The following CRB1 variants were observed in gnomAD, a reference collection of about 807,000 sequenced individuals.
CRB1 encodes the protein crumbs cell polarity complex component 1.
Under a neutral mutation model 120.0 loss-of-function variants are expected in CRB1, and 83 were observed. The ratio of observed to expected loss-of-function variants is 0.69; its 90% CI spans 0.58 to 0.83. CRB1 has a LOEUF of 0.83. Ranked by LOEUF, CRB1 falls within the 40% of genes least tolerant of loss-of-function variation. The pLI is 0.00. For missense variants in CRB1, 1,699 were observed against 1,687.6 expected, an observed-to-expected ratio of 1.01 and a Z score of -0.12; for synonymous variants, 625 against 612.5, an observed-to-expected ratio of 1.02 and a Z score of -0.30.
chr1:197,442,081 G>C (rs949092997), intron 10 of CRB1, 85 bp from the exon 11 acceptor site: 14 of 1,544,614 alleles, frequency 9.1e-6, no homozygotes, highest in African/African-American at 1.4e-5. Context: ...CTGTTCCAGA[G>C]AGATAAGGCA....
At chr1:197,234,248 A>G in the CRB1 span, among the ~76,000 whole-genome samples, 1 of 152,232 alleles carries the variant, frequency 6.6e-6, no homozygotes, top group Non-Finnish European at 1.5e-5. Context: ...TGAATAGAAT[A>G]AAGGGAAAGT....
Position 197,332,374 on chromosome 1 carries a change from G to A in CRB1, c.652+3371G>A, listed in dbSNP as rs185109889. The stretch of plus-strand genomic sequence containing the variant: ...TTCCTTGTCAATCCCTGATATAATA[G>A]TGTTGTTCCCTATTTGACTATATTC... On this transcript the variant is annotated intron_variant, in intron 2 of 11. Coordinates refer to ENST00000367400, the MANE Select transcript of CRB1 (RefSeq NM_201253.3). Among the ~76,000 whole-genome samples, 203 of 152,170 alleles carry A rather than the reference G, an allele frequency of 1.3e-3. 2 individuals carry two copies. The highest frequency in any genetic ancestry group is 4.6e-3 in the African/African-American group (191 of 41,514).
intron 11 of CRB1, among the ~76,000 whole-genome samples, chr1:197,463,652 A>G (rs541758302): frequency 6.6e-6 from 1 of 152,310 alleles, no homozygotes; most frequent in South Asian, 2.1e-4. Flanking sequence ...CAAATTGCTT[A>G]AATCATCTTT....
At chr1:197,205,056 T>C in the CRB1 span, among the ~76,000 whole-genome samples, 2 of 152,352 alleles carry the variant, frequency 1.3e-5, no homozygotes, top group South Asian at 2.1e-4. Context: ...GATTTGATTC[T>C]CAGCTTGGAC....
Position 197,477,692 on chromosome 1 carries a change from TCAC to T in CRB1, c.4038_4040del (p.Thr1347del). On this transcript the variant is annotated inframe_deletion, in exon 12 of 12. Transcript: ENST00000367400. ...GCAGATGACTTGATCTCCGACATTTTCACCACTATTGGCTCAGTGACTGTCGCC... is the reference window on the plus strand; with the variant it reads ...GCAGATGACTTGATCTCCGACATTTTCACTATTGGCTCAGTGACTGTCGCC... The T allele has an allele frequency of 6.2e-7, 1 of 1,613,900 alleles. No individual in the cohort carries two copies. The highest frequency in any genetic ancestry group is 8.5e-7 in the Non-Finnish European group (1 of 1,179,834).
intron 1 of CRB1, among the ~76,000 whole-genome samples, chr1:197,301,461 C>T (rs974797506): frequency 3.3e-5 from 5 of 152,070 alleles, no homozygotes; most frequent in Admixed American, 6.6e-5. Flanking sequence ...TTACCACACC[C>T]GGCTTCAAGT....
intron 5 of CRB1, among the ~76,000 whole-genome samples, chr1:197,410,783 A>G (rs1285129006): frequency 6.6e-6 from 1 of 152,218 alleles, no homozygotes; most frequent in Non-Finnish European, 1.5e-5. Context: ...AGGCCATTGA[A>G]ATACATAACA....
intron 5 of CRB1, among the ~76,000 whole-genome samples, chr1:197,415,599 C>CTTTTTCT (rs1663940116): frequency 7.0e-6 from 1 of 142,924 alleles, no homozygotes; most frequent in South Asian, 2.2e-4. Context: ...ACAAAGACCT[C>CTTTTTCT]TTTTTCTTTT....
At chr1:197,325,042 C>T (rs1367840925) in intron 1 of CRB1, among the ~76,000 whole-genome samples, 4 of 152,130 alleles carry the variant, frequency 2.6e-5, no homozygotes, top group African/African-American at 9.7e-5. Flanking sequence ...TTGATTTTAT[C>T]AAAAGAGGTC....
intron 5 of CRB1, among the ~76,000 whole-genome samples, chr1:197,392,483 C>A (rs955985571): frequency 1.3e-5 from 2 of 152,012 alleles, no homozygotes; most frequent in Non-Finnish European, 2.9e-5. Context: ...TCTTTCAATT[C>A]TTTTTACTTG....
intron 5 of CRB1, among the ~76,000 whole-genome samples, chr1:197,380,398 A>G (rs1661889431): frequency 6.6e-6 from 1 of 152,146 alleles, no homozygotes; most frequent in South Asian, 2.1e-4. Flanking sequence ...TACTTTCATA[A>G]TATTGCTTGA....
intron 2 of CRB1, among the ~76,000 whole-genome samples, chr1:197,333,422 A>T (rs1427597856): frequency 6.6e-6 from 1 of 152,244 alleles, no homozygotes; most frequent in Admixed American, 6.5e-5. Context: ...ATTTCATGCA[A>T]TGAATCATTT....
At chr1:197,211,225 A>G in the CRB1 span, among the ~76,000 whole-genome samples, 1 of 152,214 alleles carries the variant, frequency 6.6e-6, no homozygotes, top group African/African-American at 2.4e-5. Flanking sequence ...TATTTTGTGA[A>G]CCACACCAAA....
intron 11 of CRB1, among the ~76,000 whole-genome samples, chr1:197,474,966 C>A (rs887233840): frequency 2.0e-5 from 3 of 152,120 alleles, no homozygotes; most frequent in Non-Finnish European, 2.9e-5. Flanking sequence ...CTTTCCCAGG[C>A]CAGAGTTATC....
chr1:197,351,653 G>T (rs905316969), intron 4 of CRB1, among the ~76,000 whole-genome samples: 1 of 152,164 alleles, frequency 6.6e-6, no homozygotes, highest in Non-Finnish European at 1.5e-5. Context: ...GAAATCTAGT[G>T]AGTAGATTCC....
At chr1:197,428,387 A>G (rs910436879) in intron 7 of CRB1, among the ~76,000 whole-genome samples, 1 of 152,196 alleles carries the variant, frequency 6.6e-6, no homozygotes, top group Non-Finnish European at 1.5e-5. Flanking sequence ...CCCAACTACT[A>G]TTGTTTTGAA....
intron 11 of CRB1, among the ~76,000 whole-genome samples, chr1:197,471,756 CAG>C (rs562231694): frequency 1.4e-3 from 214 of 152,264 alleles, no homozygotes; most frequent in South Asian, 0.014. Flanking sequence ...ATTTTAAAAA[CAG>C]AGTTTTGGCA....
chr1:197,346,595 G>A (rs891712148), intron 3 of CRB1, among the ~76,000 whole-genome samples: 2 of 152,158 alleles, frequency 1.3e-5, no homozygotes, highest in Non-Finnish European at 2.9e-5. Flanking sequence ...CTTTTCCCAA[G>A]ACCCTCATTT....
chr1:197,332,166 C>A (rs1252855178), intron 2 of CRB1, among the ~76,000 whole-genome samples: 3 of 151,730 alleles, frequency 2.0e-5, no homozygotes, highest in East Asian at 3.9e-4. Flanking sequence ...AAAAACAAAA[C>A]AAACAAAAAA....
Sources: gnomAD v4.1 joint callset for allele counts (sites outside exome capture counted in the v4.1 genomes callset) on GRCh38, gnomAD v4.1.1 for gene constraint, MANE v1.5 for transcripts, NCBI Gene and HGNC (gene_info 2026-07-23, HGNC 2026-07-21) for gene names.